PLCE1: variants seen among roughly 807,000 people sequenced by gnomAD.
PLCE1 encodes 1-phosphatidylinositol 4,5-bisphosphate phosphodiesterase epsilon-1.
Under a neutral mutation model 242.8 loss-of-function variants are expected in PLCE1, and 119 were observed. The ratio of observed to expected loss-of-function variants is 0.49; its 90% CI spans 0.42 to 0.57. PLCE1 has a LOEUF of 0.57. Ranked by LOEUF, PLCE1 falls within the 20% of genes least tolerant of loss-of-function variation. The pLI is 0.00. For synonymous variants in PLCE1, 945 were observed against 1,017.4 expected, an observed-to-expected ratio of 0.93 and a Z score of 1.35; for missense variants, 2,441 against 2,788.8, an observed-to-expected ratio of 0.88 and a Z score of 2.81.
intron 2 of PLCE1, among the ~76,000 whole-genome samples, chr10:94,107,375 T>G (rs1198760416): frequency 6.6e-6 from 1 of 152,158 alleles, no homozygotes; most frequent in Admixed American, 6.5e-5. Context: ...TTATTGCATT[T>G]AATCCCCCAG....
At chr10:94,211,853 T>C (rs922660732) in intron 4 of PLCE1, among the ~76,000 whole-genome samples, 11 of 152,148 alleles carry the variant, frequency 7.2e-5, no homozygotes, top group African/African-American at 2.4e-4. Context: ...GAGGACCTAC[T>C]GAACTACTGG....
chr10:94,128,472 G>A (rs998619693), intron 2 of PLCE1, among the ~76,000 whole-genome samples: 2 of 152,112 alleles, frequency 1.3e-5, no homozygotes, highest in African/African-American at 4.8e-5. Context: ...TGAGGGTATT[G>A]GCAATCGTGA....
rs769168756 is a variant in PLCE1 at position 94,298,417 on chromosome 10, T to G, written c.5206T>G (p.Ser1736Ala). 1.2e-6 allele frequency: 2 copies of G among 1,614,158 alleles called. No individual in the cohort carries two copies. Among genetic ancestry groups the G allele is most frequent in the Admixed American group, 3.3e-5 (2 of 60,014 alleles). Residue 1736 changes from serine to alanine, a missense_variant, in exon 24 of 33, where the codon TCT becomes GCT. Physicochemically the swap from Ser to Ala is moderately conservative, Grantham distance 99. Coordinates refer to ENST00000371380, the MANE Select transcript of PLCE1 (RefSeq NM_016341.4). This position sits in a 1 kb window ranked among gnomAD's most constrained non-coding sequence, Gnocchi z 5.2. The stretch of plus-strand genomic sequence containing the variant: ...CATTCGACAGACCTGGGAGGAATCT[T>G]CTTCCCCTCTCAACCCAACCACGTC... ...EGIRQTWEES[S>A]SPLNPTTSLS...
chr10:94,035,819 C>G (rs1446275081), intron 2 of PLCE1, among the ~76,000 whole-genome samples: 1 of 152,150 alleles, frequency 6.6e-6, no homozygotes, highest in African/African-American at 2.4e-5. Flanking sequence ...TTTTTCCCAG[C>G]TCCTATGAAT....
chr10:94,037,420 T>C (rs2061685545), intron 2 of PLCE1, among the ~76,000 whole-genome samples: 1 of 152,182 alleles, frequency 6.6e-6, no homozygotes, highest in African/African-American at 2.4e-5. Flanking sequence ...GCAACATGTC[T>C]TGTTTTCTGG....
chr10:94,312,292 T>A (rs2053410813), intron 27 of PLCE1, among the ~76,000 whole-genome samples: 1 of 152,190 alleles, frequency 6.6e-6, no homozygotes, highest in Non-Finnish European at 1.5e-5. Context: ...ACTTCAGCCC[T>A]CAGGTCCTCA....
At chr10:94,021,799 A>G (rs2061380941) in intron 1 of PLCE1, among the ~76,000 whole-genome samples, 2 of 152,292 alleles carry the variant, frequency 1.3e-5, no homozygotes, top group East Asian at 1.9e-4. Flanking sequence ...ATGTTAACCT[A>G]TTAAGAGAGG....
chr10:94,003,852 T>A (rs1468025929), intron 1 of PLCE1, among the ~76,000 whole-genome samples: 1 of 151,958 alleles, frequency 6.6e-6, no homozygotes. Context: ...AAATGCCTTT[T>A]AAAAAAAATT....
rs955891877 is a variant in PLCE1, at chr10:94,232,908, C to CCAGTCATGCACCA, written c.1956-1146_1956-1145insCAGTCATGCACCA. Reference sequence around the variant, plus strand: ...TAGGCAAGAGTCATGCACCAGTTCACGTGATCTACAGACTGCCCGGGACAC... The same window carrying CCAGTCATGCACCA: ...TAGGCAAGAGTCATGCACCAGTTCACCAGTCATGCACCAGTGATCTACAGACTGCCCGGGACAC... On this transcript the variant is annotated intron_variant, in intron 5 of 32. Coordinates refer to ENST00000371380, the MANE Select transcript of PLCE1 (RefSeq NM_016341.4). Among the ~76,000 whole-genome samples, 42 of 152,312 alleles carry CCAGTCATGCACCA rather than the reference C, an allele frequency of 2.8e-4. 1 individual carries two copies. The highest frequency in any genetic ancestry group is 9.4e-4 in the African/African-American group (39 of 41,574).
intron 29 of PLCE1, among the ~76,000 whole-genome samples, chr10:94,319,863 T>TG (rs2053720468): frequency 1.0e-5 from 1 of 97,610 alleles, no homozygotes. Context: ...TCAAAGGTGC[T>TG]CTTTTTTTTT....
At position 94,132,388 on chromosome 10, in the gene PLCE1, C is replaced by A. The variant is rs886047499; in HGVS notation, c.1421C>A (p.Thr474Asn). ...ATCACCGGTTCTCTCCTAGAAGCAA[C>A]CACGTCTTTGGGAGCAAGAAGTGGC... ...QYITGSLLEATTSLGARSGLL... is the reference protein window; with the variant it reads ...QYITGSLLEANTSLGARSGLL... Residue 474 changes from threonine to asparagine, a missense_variant, in exon 3 of 33, where the codon ACC becomes AAC. This residue lies in a region of PLCE1 where 733 missense variants were observed against 754.2 expected (regional missense o/e 0.97). Coordinates refer to ENST00000371380, the MANE Select transcript of PLCE1 (RefSeq NM_016341.4). 1 of 1,614,120 alleles carries A rather than the reference C, an allele frequency of 6.2e-7. No homozygotes were observed. Among genetic ancestry groups the A allele is most frequent in the East Asian group, 2.2e-5 (1 of 44,880 alleles).
At chr10:93,997,149 T>C (rs1283603402) in intron 1 of PLCE1, among the ~76,000 whole-genome samples, 1 of 152,218 alleles carries the variant, frequency 6.6e-6, no homozygotes, top group African/African-American at 2.4e-5. Flanking sequence ...TCTTATCCTT[T>C]AGCTGTATTT....
intron 2 of PLCE1, among the ~76,000 whole-genome samples, chr10:94,080,528 A>G (rs2044625862): frequency 6.6e-6 from 1 of 152,208 alleles, no homozygotes; most frequent in African/African-American, 2.4e-5. Flanking sequence ...GAATGAACAA[A>G]TGAGGCCTGT....
intron 2 of PLCE1, among the ~76,000 whole-genome samples, chr10:94,125,428 T>TG (rs1025922534): frequency 3.9e-5 from 6 of 152,118 alleles, no homozygotes; most frequent in Non-Finnish European, 8.8e-5. Context: ...AGTCTCGCTT[T>TG]GTTCCCCAGG....
chr10:94,075,291 C>T (rs2044469320), intron 2 of PLCE1, among the ~76,000 whole-genome samples: 1 of 152,224 alleles, frequency 6.6e-6, no homozygotes, highest in Admixed American at 6.5e-5. Flanking sequence ...TTCTTCTCCC[C>T]TCCATCTAAT....
At chr10:94,216,009 T>C (rs924600639) in intron 4 of PLCE1, among the ~76,000 whole-genome samples, 1 of 152,208 alleles carries the variant, frequency 6.6e-6, no homozygotes, top group Non-Finnish European at 1.5e-5. Flanking sequence ...ACATGGGCTC[T>C]GGGGCCGGCC....
chr10:94,040,700 C>T (rs545625286), intron 2 of PLCE1, among the ~76,000 whole-genome samples: 42 of 152,268 alleles, frequency 2.8e-4, no homozygotes, highest in South Asian at 1.0e-3. Flanking sequence ...CTAAGAGAGT[C>T]TGTGGTTTAG....
chr10:94,297,646 GCAATAAAACAAAGCA>G (rs980171623), intron 23 of PLCE1, among the ~76,000 whole-genome samples: 11 of 100,322 alleles, frequency 1.1e-4, no homozygotes, highest in Admixed American at 6.1e-4. Context: ...TCTGCAAAGT[GCAATAAAACAAAGCA>G]CAATAAAACA....
At chr10:94,252,532 C>T (rs1194680941) in intron 9 of PLCE1, 34 bp downstream of exon 9, 1 of 1,561,042 alleles carries the variant, frequency 6.4e-7, no homozygotes, top group Admixed American at 1.7e-5. Flanking sequence ...GCATTAAACC[C>T]ATCTTCCAGG....
Sources: allele counts gnomAD v4.1 joint callset (sites outside exome capture counted in the v4.1 genomes callset), GRCh38; gene constraint gnomAD v4.1.1; regional missense constraint gnomAD v4.1.1; non-coding constraint Gnocchi (gnomAD v3.1); transcripts MANE v1.5; gene names NCBI Gene and HGNC (gene_info 2026-07-23, HGNC 2026-07-21).